The following PTK2 variants were observed in gnomAD, a reference collection of about 807,000 sequenced individuals.
PTK2 encodes the protein focal adhesion kinase 1.
PTK2 carries 45 observed loss-of-function variants against 150.1 expected under a neutral mutation model. The observed-to-expected ratio is 0.30, with a 90% confidence interval of 0.24 to 0.38. PTK2 has a LOEUF of 0.38. PTK2 is among the 10% of genes least tolerant of loss of function. The probability of loss-of-function intolerance (pLI) is 1.00; values close to 1 mark genes in which losing one functional copy is unlikely to be tolerated. For missense variants in PTK2, 919 were observed against 1,307.3 expected (o/e 0.70, Z 4.58); for synonymous variants, 432 against 449.2 (o/e 0.96, Z 0.48).
chr8:140,762,461 C>A, intron 15 of PTK2, 73 bp from the exon 18 acceptor site: 1 of 718,152 alleles, frequency 1.4e-6, no homozygotes, highest in Non-Finnish European at 1.8e-6. Flanking sequence ...AGGTTAACAA[C>A]ACAAACTTGA....
chr8:141,000,337 G>A lies in PTK2; in HGVS notation c.-122+788C>T, dbSNP rs540389735. Among the ~76,000 whole-genome samples the A allele has an allele frequency of 1.8e-3, 276 of 152,336 alleles. 1 individual carries two copies. Among genetic ancestry groups the A allele is most frequent in the African/African-American group, 6.2e-3 (256 of 41,586 alleles). On this transcript the variant is annotated intron_variant, in intron 1 of 31. Coordinates refer to ENST00000522684, the Ensembl canonical transcript of PTK2. ...CCACGGGGCTCTACCAAACTTGAGG[G>A]TTTGCGTTCGGGGACACGGCGGGCT... is the stretch of plus-strand genomic sequence containing the variant.
chr8:140,803,885 T>A (rs982548659), intron 10 of PTK2, among the ~76,000 whole-genome samples: 1 of 152,002 alleles, frequency 6.6e-6, no homozygotes, highest in Non-Finnish European at 1.5e-5. Flanking sequence ...GACCCATACA[T>A]GAGTTGGATG....
intron 29 of PTK2, chr8:140,674,082 G>A (rs1194193695): frequency 8.5e-6 from 6 of 705,786 alleles, no homozygotes; most frequent in Admixed American, 1.8e-5. Flanking sequence ...ACACTGAGAG[G>A]AAAATGGAAA....
intron 31 of PTK2, chr8:140,662,697 G>T: frequency 1.7e-6 from 1 of 586,124 alleles, no homozygotes; most frequent in Non-Finnish European, 3.3e-6. Context: ...AGAAGTCAAT[G>T]TCCAGTTGGT....
intron 31 of PTK2, among the ~76,000 whole-genome samples, chr8:140,661,101 A>T (rs1244637446): frequency 1.3e-5 from 2 of 152,214 alleles, no homozygotes; most frequent in Non-Finnish European, 2.9e-5. Context: ...AATTTGTCTG[A>T]ATTTGGCCTA....
chr8:140,895,764 GA>G (rs2100155946), intron 2 of PTK2, among the ~76,000 whole-genome samples: 1 of 152,030 alleles, frequency 6.6e-6, no homozygotes, highest in South Asian at 2.1e-4. Context: ...TGAGGTGATG[GA>G]TACCCCATTT....
At position 140,998,389 on chromosome 8, in the gene PTK2, T is replaced by C. The variant is rs530570289; in HGVS notation, c.-122+2736A>G. On this transcript the variant is annotated intron_variant, in intron 1 of 31. Transcript: ENST00000522684. ...TAACCTTTAGAGATATGAACTAAGA[T>C]CCTACCTCTCTAACTCAAATCAACA... 2.3e-4 allele frequency among the ~76,000 whole-genome samples: 35 copies of C among 152,238 alleles called. No individual in the cohort carries two copies. In the South Asian group the frequency reaches 7.1e-3, roughly 31 times the overall value.
chr8:140,832,003 T>C (rs1031108426), intron 7 of PTK2, among the ~76,000 whole-genome samples: 1 of 152,220 alleles, frequency 6.6e-6, no homozygotes, highest in Non-Finnish European at 1.5e-5. Context: ...TTTCTGCCTC[T>C]ATCTACATTT....
intron 16 of PTK2, among the ~76,000 whole-genome samples, chr8:140,760,550 A>G (rs1239065021): frequency 6.6e-6 from 1 of 152,178 alleles, no homozygotes; most frequent in East Asian, 1.9e-4. Flanking sequence ...CAGAAAGTGG[A>G]TGAGTGGCTG....
chr8:140,812,400 A>C (rs74483502), intron 10 of PTK2, among the ~76,000 whole-genome samples: 7,846 of 152,320 alleles, frequency 0.052, 224 homozygotes, highest in Middle Eastern at 0.082. Flanking sequence ...TCCTGAAAGG[A>C]GCACTAAATA....
intron 23 of PTK2, 78 bp downstream of exon 26, chr8:140,717,520 A>G: frequency 8.9e-7 from 1 of 1,124,202 alleles, no homozygotes; most frequent in Non-Finnish European, 1.4e-6. Flanking sequence ...CTTTCTCCTC[A>G]TAGAAAACAG....
At chr8:140,925,639 A>C in intron 2 of PTK2, 22 bp downstream of exon 2, 1 of 984,892 alleles carries the variant, frequency 1.0e-6, no homozygotes, top group Non-Finnish European at 1.2e-6. Context: ...TTCTTTGCAA[A>C]GTTTCTTAAC....
At chr8:140,667,306 G>A (rs901211857) in intron 30 of PTK2, among the ~76,000 whole-genome samples, 3 of 152,148 alleles carry the variant, frequency 2.0e-5, no homozygotes, top group African/African-American at 7.2e-5. Flanking sequence ...AAGTATGTTC[G>A]AGTATGTTTC....
intron 1 of PTK2, among the ~76,000 whole-genome samples, chr8:140,983,657 G>C (rs2100192245): frequency 6.9e-6 from 1 of 145,888 alleles, no homozygotes; most frequent in East Asian, 2.2e-4. Flanking sequence ...AGAGAGGGAA[G>C]TGAAGGAAGG....
intron 2 of PTK2, among the ~76,000 whole-genome samples, chr8:140,893,749 T>C (rs932775610): frequency 1.3e-5 from 2 of 152,284 alleles, no homozygotes; most frequent in Non-Finnish European, 2.9e-5. Context: ...ATTGCACACT[T>C]TGAAGTTGTT....
intron 26 of PTK2, among the ~76,000 whole-genome samples, chr8:140,697,852 G>GTTTT (rs71308981): frequency 2.1e-5 from 1 of 48,026 alleles, no homozygotes; most frequent in African/African-American, 9.0e-5. Flanking sequence ...AGGGTTTACT[G>GTTTT]TTTTTTTTTT....
At chr8:140,878,101 T>C (rs1273792192) in intron 4 of PTK2, among the ~76,000 whole-genome samples, 1 of 152,236 alleles carries the variant, frequency 6.6e-6, no homozygotes, top group Non-Finnish European at 1.5e-5. Flanking sequence ...ATCTAACTTT[T>C]ACATATCCTT....
At chr8:140,772,632 T>C (rs1207958408) in intron 14 of PTK2, among the ~76,000 whole-genome samples, 1 of 152,242 alleles carries the variant, frequency 6.6e-6, no homozygotes, top group African/African-American at 2.4e-5. Context: ...ATATCTTTGG[T>C]CTTAAACACA....
intron 2 of PTK2, among the ~76,000 whole-genome samples, chr8:140,903,796 T>C (rs2100159737): frequency 6.6e-6 from 1 of 152,080 alleles, no homozygotes; most frequent in Non-Finnish European, 1.5e-5. Flanking sequence ...ATGATTTGGC[T>C]CTCTATTATT....
Sources: gnomAD v4.1 joint callset for allele counts (sites outside exome capture counted in the v4.1 genomes callset) on GRCh38, gnomAD v4.1.1 for gene constraint, MANE v1.5 for transcripts, NCBI Gene and HGNC (gene_info 2026-07-23, HGNC 2026-07-21) for gene names.